The following ITGB2 variants were observed in gnomAD, a reference collection of about 807,000 sequenced individuals.
ITGB2 encodes integrin beta-2.
A neutral mutation model predicts 86.8 loss-of-function variants in ITGB2; 56 were observed. The observed-to-expected ratio is 0.65, with a 90% CI of 0.52 to 0.81. ITGB2 has a LOEUF of 0.81. Ranked by LOEUF, ITGB2 falls within the 30% of genes least tolerant of loss-of-function variation. The pLI is 0.00. For missense variants in ITGB2, 948 were observed against 1,061.2 expected (o/e 0.89, Z 1.48); for synonymous variants, 457 against 450.4 (o/e 1.01, Z -0.19).
intron 8 of ITGB2, 41 bp from the exon 9 acceptor site, chr21:44,895,101 G>C (rs773608753): frequency 6.8e-7 from 1 of 1,464,842 alleles, no homozygotes; most frequent in Non-Finnish European, 9.6e-7. Flanking sequence ...GCTAGGACCT[G>C]TGCCACGGCA....
upstream of ITGB2, among the ~76,000 whole-genome samples, chr21:44,924,366 G>A (rs1457943314): frequency 6.6e-6 from 1 of 152,116 alleles, no homozygotes; most frequent in Non-Finnish European, 1.5e-5. Flanking sequence ...GGAGGCAGAG[G>A]TTGCAGTGAG....
intron 1 of ITGB2, among the ~76,000 whole-genome samples, chr21:44,916,729 T>G (rs557917040): frequency 3.1e-3 from 473 of 151,418 alleles, no homozygotes; most frequent in African/African-American, 0.01. Flanking sequence ...TTAGCTGGGC[T>G]TGGTGGCGGG....
intron 4 of ITGB2, among the ~76,000 whole-genome samples, chr21:44,904,320 A>G (rs2084010633): frequency 6.6e-6 from 1 of 151,950 alleles, no homozygotes; most frequent in Admixed American, 6.6e-5. Context: ...ACGCACTCCT[A>G]CACATAAATA....
chr21:44,891,906 C>G lies in ITGB2; in HGVS notation c.1315G>C (p.Val439Leu). ...CACTCACACTGGGGAAGAACCTGCA[C>G]GGTCACTATGTCCGTGAAGCCCAGC... ...RALGFTDIVTVQVLPQCECRC... is the reference protein window; with the variant it reads ...RALGFTDIVTLQVLPQCECRC... The change falls in exon 11 of 16, where the codon GTG becomes CTG. Residue 439 changes from valine to leucine, a missense_variant. Coordinates refer to ENST00000652462, the MANE Select transcript of ITGB2 (RefSeq NM_000211.5). The G allele has an allele frequency of 6.2e-7, 1 of 1,613,260 alleles. No individual in the cohort carries two copies.
Position 44,895,001 on chromosome 21 carries a change from A to G in ITGB2, c.1053T>C (p.Asn351=). The change falls in exon 9 of 16, where the codon AAT becomes AAC. Residue 351 remains asparagine (N), a synonymous_variant. Coordinates refer to ENST00000652462, the MANE Select transcript of ITGB2 (RefSeq NM_000211.5). ...AVGELSEDSS[N]VVHLIKNAYN... is the part of the protein sequence containing the mutation. ...AAGCATTCTTAATGAGATGGACCACATTGCTGGAGTCCTCAGACAGCTCCC... is the reference window on the plus strand; with the variant it reads ...AAGCATTCTTAATGAGATGGACCACGTTGCTGGAGTCCTCAGACAGCTCCC... 6.2e-7 allele frequency: 1 copy of G among 1,612,976 alleles called. No individual in the cohort carries two copies. The highest frequency in any genetic ancestry group is 8.5e-7 in the Non-Finnish European group (1 of 1,179,324).
At chr21:44,887,053 C>T in intron 14 of ITGB2, 151 bp from the exon 15 acceptor site, 1 of 935,790 alleles carries the variant, frequency 1.1e-6, no homozygotes, top group Non-Finnish European at 1.6e-6. Context: ...GGCCAGGGGT[C>T]AGTGAGAACC....
chr21:44,909,781 T>C (rs981392472), intron 3 of ITGB2, among the ~76,000 whole-genome samples: 1 of 152,226 alleles, frequency 6.6e-6, no homozygotes, highest in African/African-American at 2.4e-5. Flanking sequence ...CAAATATAGA[T>C]ATACATGTAT....
intron 1 of ITGB2, among the ~76,000 whole-genome samples, chr21:44,916,424 C>T (rs536136570): frequency 6.6e-6 from 1 of 152,250 alleles, no homozygotes; most frequent in South Asian, 2.1e-4. Context: ...ACTGTCTGTT[C>T]CTGGGTGGCG....
At chr21:44,916,842 T>C (rs934846712) in intron 1 of ITGB2, among the ~76,000 whole-genome samples, 3 of 139,584 alleles carry the variant, frequency 2.1e-5, no homozygotes, top group Non-Finnish European at 4.5e-5. Context: ...CACTCCAGCC[T>C]GGGCAACAAG....
intron 1 of ITGB2, among the ~76,000 whole-genome samples, chr21:44,916,642 C>T (rs556789342): frequency 4.5e-4 from 68 of 151,944 alleles, no homozygotes; most frequent in South Asian, 3.1e-3. Flanking sequence ...CTGAGGCAGG[C>T]GGATCACCTG....
Position 44,901,713 on chromosome 21 carries a change from T to A in ITGB2, c.520A>T (p.Lys174Ter). The A allele has an allele frequency of 6.2e-7, 1 of 1,611,678 alleles. No individual in the cohort carries two copies. The highest frequency in any genetic ancestry group is 8.5e-7 in the Non-Finnish European group (1 of 1,177,828). The stretch of plus-strand genomic sequence containing the variant: ...GTGTTCACGAACGGCAGCACGGTCT[T>A]GTCCACGAAGGACCCGAAGCCTGCA... ...GRIGFGSFVD[K>*]TVLPFVNTHP... is the part of the protein sequence containing the mutation. Residue 174 changes from lysine (K) to a stop codon, truncating the protein, a stop_gained, in exon 6 of 16, where the codon AAG (lysine) becomes TAG (stop). Coordinates refer to ENST00000652462, the MANE Select transcript of ITGB2 (RefSeq NM_000211.5). LOFTEE classifies it high-confidence loss of function.
rs374069942 is a variant in ITGB2, at chr21:44,902,758, A to G, written c.499+607T>C. Reference sequence around the variant, plus strand: ...TGTGTGTGAGCGTGCATTCACGTGCATGAGCGTGCATTTGTGTGTGAGCGT... The same window carrying G: ...TGTGTGTGAGCGTGCATTCACGTGCGTGAGCGTGCATTTGTGTGTGAGCGT... On this transcript the variant is annotated intron_variant, in intron 5 of 15. Coordinates refer to ENST00000652462, the MANE Select transcript of ITGB2 (RefSeq NM_000211.5). Among the ~76,000 whole-genome samples the G allele has an allele frequency of 2.6e-3, 384 of 145,238 alleles. 5 individuals are homozygous for G. Among genetic ancestry groups the G allele is most frequent in the African/African-American group, 9.4e-3 (368 of 39,154 alleles).
chr21:44,907,782 G>A (rs987204018), intron 3 of ITGB2, among the ~76,000 whole-genome samples: 4 of 152,206 alleles, frequency 2.6e-5, no homozygotes, highest in East Asian at 1.9e-4. Context: ...GGATAAGCCC[G>A]GCCCCCAGAG....
rs1056011153 is a variant in ITGB2 at position 44,886,913 on chromosome 21, A to C, written c.2081-11T>G. On this transcript the variant is annotated splice_polypyrimidine_tract_variant and intron_variant, in intron 14 of 15. Coordinates refer to ENST00000652462, the MANE Select transcript of ITGB2 (RefSeq NM_000211.5). ...GGCCTGCCACACACTCTAGGGAAGA[A>C]GCAGCACACCTGAGCGTCAGTCCAG... is the stretch of plus-strand genomic sequence containing the variant. 2 of 1,611,980 alleles carry C rather than the reference A, an allele frequency of 1.2e-6. No individual in the cohort carries two copies. The highest frequency in any genetic ancestry group is 2.2e-5 in the South Asian group (2 of 91,090).
chr21:44,895,883 T>TGAAATG lies in ITGB2; in HGVS notation c.994-824_994-823insCATTTC, dbSNP rs1555855779. Among the ~76,000 whole-genome samples, 452 of 127,178 alleles carry TGAAATG rather than the reference T, an allele frequency of 3.6e-3. 1 individual carries two copies. The highest frequency in any genetic ancestry group is 5.4e-3 in the African/African-American group (140 of 25,886). 83.4% of individuals were successfully genotyped at this position (127,178 alleles called of 152,430 possible). A position where few individuals can be genotyped will look rare whatever the true frequency, so the allele number is the denominator to read the frequency against. On this transcript the variant is annotated intron_variant, in intron 8 of 15. Transcript: ENST00000652462. ...AATGAAATGAAATGAAATAAAAAAATAAATAAAATAAAATAAAATAAATAA... is the reference window on the plus strand; with the variant it reads ...AATGAAATGAAATGAAATAAAAAAATGAAATGAAATAAAATAAAATAAAATAAATAA...
chr21:44,886,166 G>C lies in ITGB2; in HGVS notation c.*202C>G, dbSNP rs1433729134. 4 of 622,912 alleles carry C rather than the reference G, an allele frequency of 6.4e-6. No individual in the cohort carries two copies. Among genetic ancestry groups the C allele is most frequent in the Non-Finnish European group, 1.2e-5 (4 of 343,762 alleles). The allele number at this position is 622,912 out of a possible 1,614,324, so 38.6% of individuals were successfully genotyped here. On this transcript the variant is annotated 3_prime_UTR_variant, in exon 16 of 16. Transcript: ENST00000652462. The stretch of plus-strand genomic sequence containing the variant: ...CTCCCTCCTCAAGTCTCCATGCAAA[G>C]ACTGTGCCAGTCAGAGTGGAGCTGT...
chr21:44,908,964 A>G (rs965661891), intron 3 of ITGB2, among the ~76,000 whole-genome samples: 66 of 152,206 alleles, frequency 4.3e-4, no homozygotes, highest in African/African-American at 1.6e-3. Flanking sequence ...CTACTGAACA[A>G]AATAAAACTG....
chr21:44,903,265 A>T, intron 5 of ITGB2, 100 bp downstream of exon 5: 1 of 1,467,132 alleles, frequency 6.8e-7, no homozygotes. Context: ...CCCCAGATCT[A>T]CCCTGGGGAC....
rs779990247 is a variant in ITGB2 at position 44,889,297 on chromosome 21, G to A, written c.1856C>T (p.Pro619Leu). 1 of 1,612,840 alleles carries A rather than the reference G, an allele frequency of 6.2e-7. No homozygotes were observed. Among genetic ancestry groups the A allele is most frequent in the South Asian group, 1.1e-5 (1 of 91,086 alleles). ...TCACATGTACTTGCCACAGGGTGAG[G>A]GGCAGCCGGGGCACTCCTGGCACAG... is the stretch of plus-strand genomic sequence containing the variant. ...LPLCQECPGC[P>L]SPCGKYISCA... The change falls in exon 13 of 16, where the codon CCC becomes CTC. Residue 619 changes from proline to leucine, a missense_variant. Coordinates refer to ENST00000652462, the MANE Select transcript of ITGB2 (RefSeq NM_000211.5).
Sources: gnomAD v4.1 joint callset for allele counts (sites outside exome capture counted in the v4.1 genomes callset) on GRCh38, gnomAD v4.1.1 for gene constraint, MANE v1.5 for transcripts, NCBI Gene and HGNC (gene_info 2026-07-23, HGNC 2026-07-21) for gene names.